The following ZNF430 variants were observed in gnomAD, a reference collection of about 807,000 sequenced individuals.
ZNF430 encodes the protein zinc finger protein 430.
A neutral mutation model predicts 56.7 loss-of-function variants in ZNF430; 35 were observed. That is an observed-to-expected ratio of 0.62 (90% CI 0.47 to 0.82). The LOEUF is 0.82. Ranked by LOEUF, ZNF430 falls within the 40% of genes least tolerant of loss-of-function variation. ZNF430 has a pLI of 0.00. For missense variants in ZNF430, 574 were observed against 661.0 expected (o/e 0.87, Z 1.44); for synonymous variants, 212 against 224.3 (o/e 0.94, Z 0.49).
chr19:21,029,896 C>T (rs868473165), intron 2 of ZNF430, among the ~76,000 whole-genome samples: 4 of 151,782 alleles, frequency 2.6e-5, no homozygotes, highest in Non-Finnish European at 5.9e-5. Context: ...ACCCGGGAGG[C>T]GGAGGTTGCA....
intron 2 of ZNF430, among the ~76,000 whole-genome samples, chr19:21,023,696 G>A (rs1967741736): frequency 6.6e-6 from 1 of 152,116 alleles, no homozygotes; most frequent in Non-Finnish European, 1.5e-5. Flanking sequence ...TAATTGGTGA[G>A]TTACATACAT....
intron 4 of ZNF430, among the ~76,000 whole-genome samples, chr19:21,050,532 G>A (rs982408422): frequency 6.6e-6 from 1 of 151,986 alleles, no homozygotes; most frequent in Non-Finnish European, 1.5e-5. Flanking sequence ...TGTTGTGAGT[G>A]GTTGTTCAAT....
rs914806630 is a variant in ZNF430 at position 21,033,566 on chromosome 19, A to G, written c.207A>G (p.Arg69=). ...LYRKVMLENY[R]NLVFLAGIAV... is the part of the protein sequence containing the mutation. ...GAAAAGTGATGTTAGAGAACTACAGAAACCTGGTCTTCTTGGGTGAGAATA... is the reference window on the plus strand; with the variant it reads ...GAAAAGTGATGTTAGAGAACTACAGGAACCTGGTCTTCTTGGGTGAGAATA... The change falls in exon 3 of 5, where the codon AGA becomes AGG. Residue 69 remains arginine, a synonymous_variant. Transcript: ENST00000261560. The G allele has an allele frequency of 6.2e-7, 1 of 1,609,216 alleles. No individual in the cohort carries two copies. The highest frequency in any genetic ancestry group is 1.3e-5 in the African/African-American group (1 of 74,750).
chr19:21,032,529 A>T (rs1967922383), intron 2 of ZNF430, among the ~76,000 whole-genome samples: 1 of 152,148 alleles, frequency 6.6e-6, no homozygotes, highest in Non-Finnish European at 1.5e-5. Flanking sequence ...GGAGTTCGAG[A>T]CCAGACTGAC....
intron 3 of ZNF430, 83 bp from the exon 4 acceptor site, chr19:21,034,003 A>G (rs1282893240): frequency 1.0e-6 from 1 of 993,326 alleles, no homozygotes; most frequent in Non-Finnish European, 1.5e-6. Context: ...AGAATATTCT[A>G]CCACATCCTC....
rs1967721248 is a variant in ZNF430, at chr19:21,022,812, TC to T, written c.29del (p.Pro10LeufsTer26). 6.2e-7 allele frequency: 1 copy of T among 1,613,584 alleles called. No individual in the cohort carries two copies. The highest frequency in any genetic ancestry group is 1.1e-5 in the South Asian group (1 of 91,084). On this transcript the variant is annotated frameshift_variant, in exon 2 of 5. Coordinates refer to ENST00000261560, the MANE Select transcript of ZNF430 (RefSeq NM_025189.4). LOFTEE classifies it high-confidence loss of function. MENLKSGVYPLKEASGCPGA... is the reference protein window; with the variant it reads MENLKSGVYXLKEASGCPGA... ...AGGAGAACCTGAAGTCTGGAGTGTA[TC>T]CTCTCAAGGAAGCAAGTGGATGCCC... is the stretch of plus-strand genomic sequence containing the variant.
chr19:21,035,256 C>T (rs1442616592), intron 4 of ZNF430: 1 of 151,998 alleles, frequency 6.6e-6, no homozygotes, highest in African/African-American at 2.4e-5. Flanking sequence ...ACATATCTTT[C>T]GTTGTAAAGA....
In ZNF430 at chr19:21,020,768, G is replaced by A. The variant is rs368898843; in HGVS notation, c.-33G>A. On this transcript the variant is annotated 5_prime_UTR_variant, in exon 1 of 5. Transcript: ENST00000261560. The stretch of plus-strand genomic sequence containing the variant: ...ACCCGCAGGTATTGGGAGATCTACA[G>A]CTAAGACGCCAGGAACCCCTGGAAG... 69 of 1,613,482 alleles carry A rather than the reference G, an allele frequency of 4.3e-5. No homozygotes were observed. The African/African-American group carries it at 6.9e-4, about 16-fold the overall frequency.
intron 2 of ZNF430, 31 bp from the exon 3 acceptor site, chr19:21,033,425 T>A (rs771351060): frequency 6.3e-7 from 1 of 1,594,052 alleles, no homozygotes; most frequent in Non-Finnish European, 8.5e-7. Flanking sequence ...TTGGTAAATA[T>A]ACGTGTGTCT....
intron 4 of ZNF430, among the ~76,000 whole-genome samples, chr19:21,055,633 T>C (rs1271124508): frequency 1.3e-5 from 2 of 152,246 alleles, no homozygotes; most frequent in African/African-American, 4.8e-5. Flanking sequence ...TTTGTTTTTT[T>C]AGTAGAGATG....
chr19:21,033,639 T>C, intron 3 of ZNF430, 57 bp downstream of exon 3: 1 of 1,497,960 alleles, frequency 6.7e-7, no homozygotes, highest in Non-Finnish European at 8.9e-7. Context: ...CATTTCTCAT[T>C]TTTTGAGAAT....
chr19:21,048,801 C>T lies in ZNF430; in HGVS notation c.323-7830C>T, dbSNP rs562890578. Among the ~76,000 whole-genome samples, 55 of 151,130 alleles carry T rather than the reference C, an allele frequency of 3.6e-4. No homozygotes were observed. In the South Asian group the frequency reaches 6.1e-3, roughly 17 times the overall value. ...CCACCTCCCGGACGGGGCGGCTGGC[C>T]GGGCGGGTGCTGGCCCCAACCTCCC... On this transcript the variant is annotated intron_variant, in intron 4 of 4. Transcript: ENST00000261560.
intron 4 of ZNF430, among the ~76,000 whole-genome samples, chr19:21,042,170 A>G (rs766223285): frequency 6.6e-6 from 1 of 152,220 alleles, no homozygotes; most frequent in Non-Finnish European, 1.5e-5. Context: ...ATAGTATTCC[A>G]TAGTGTATAT....
intron 4 of ZNF430, among the ~76,000 whole-genome samples, chr19:21,047,706 C>T (rs1385775569): frequency 6.6e-6 from 1 of 152,212 alleles, no homozygotes; most frequent in African/African-American, 2.4e-5. Context: ...GGACTGCTTG[C>T]TCCTTCCTCT....
At position 21,059,202 on chromosome 19, in the gene ZNF430, T is replaced by G. The variant is rs1242377291; in HGVS notation, c.*1181T>G. ...TTTACTGTAGAAATATATAAGGCAC[T>G]GAGACTTCAGATATTATACTAAATC... On this transcript the variant is annotated 3_prime_UTR_variant, in exon 5 of 5. Coordinates refer to ENST00000261560, the MANE Select transcript of ZNF430 (RefSeq NM_025189.4). 2 of 152,120 alleles carry G rather than the reference T, an allele frequency of 1.3e-5. No individual in the cohort carries two copies. Among genetic ancestry groups the G allele is most frequent in the African/African-American group, 4.8e-5 (2 of 41,438 alleles). The allele number at this position is 152,120 out of a possible 1,614,324, so 9.4% of individuals were successfully genotyped here.
intron 2 of ZNF430, among the ~76,000 whole-genome samples, chr19:21,033,208 G>T (rs1356436943): frequency 6.6e-6 from 1 of 151,896 alleles, no homozygotes; most frequent in Non-Finnish European, 1.5e-5. Flanking sequence ...TACAAAATTA[G>T]CCGAATGTAG....
chr19:21,056,529 C>T, intron 4 of ZNF430, 102 bp from the exon 5 acceptor site: 1 of 846,426 alleles, frequency 1.2e-6, no homozygotes, highest in Non-Finnish European at 1.7e-6. Flanking sequence ...TTTGCTATGC[C>T]ATCTTGTTTA....
At chr19:21,036,843 G>C in intron 4 of ZNF430, 1 of 151,144 alleles carries the variant, frequency 6.6e-6, no homozygotes, top group East Asian at 1.9e-4. Flanking sequence ...TTTCAGGCAG[G>C]CATGTTAATT....
intron 4 of ZNF430, chr19:21,053,687 C>G (rs149148984): frequency 1.3e-5 from 2 of 152,168 alleles, no homozygotes; most frequent in African/African-American, 4.8e-5. Flanking sequence ...AGCCACTGCG[C>G]CCAGCCAAAA....
Sources: allele counts gnomAD v4.1 joint callset (sites outside exome capture counted in the v4.1 genomes callset), GRCh38; gene constraint gnomAD v4.1.1; transcripts MANE v1.5; gene names NCBI Gene and HGNC (gene_info 2026-07-23, HGNC 2026-07-21).